The following NBEA variants were observed in gnomAD, a reference collection of about 807,000 sequenced individuals.
NBEA encodes the protein lysosomal-trafficking regulator 2.
In NBEA, 44 loss-of-function variants were observed where a neutral mutation model predicts 343.4. That is an observed-to-expected ratio of 0.13 (90% CI 0.10 to 0.16). The LOEUF is 0.16. NBEA is among the 10% of genes least tolerant of loss of function. The pLI, the probability that NBEA is intolerant of heterozygous loss-of-function variation, is 1.00. For missense variants in NBEA, 2,555 were observed against 3,631.3 expected (o/e 0.70, Z 7.62); for synonymous variants, 1,175 against 1,238.7 (o/e 0.95, Z 1.08).
chr13:35,434,502 A>G (rs2045311072), intron 39 of NBEA, among the ~76,000 whole-genome samples: 1 of 152,200 alleles, frequency 6.6e-6, no homozygotes, highest in African/African-American at 2.4e-5. Context: ...CTACACAGTA[A>G]AATATTCAGG....
chr13:34,954,945 G>C (rs1188744418), intron 1 of NBEA, among the ~76,000 whole-genome samples: 1 of 152,080 alleles, frequency 6.6e-6, no homozygotes, highest in Non-Finnish European at 1.5e-5. Context: ...GTAAATACAT[G>C]GTTTATATTT....
At chr13:35,395,225 A>G (rs1250289484) in intron 38 of NBEA, among the ~76,000 whole-genome samples, 1 of 151,916 alleles carries the variant, frequency 6.6e-6, no homozygotes, top group Non-Finnish European at 1.5e-5. Flanking sequence ...CCCAAATCTA[A>G]TGTTGAATTA....
At chr13:35,182,127 A>G (rs2152730680) in intron 28 of NBEA, among the ~76,000 whole-genome samples, 1 of 151,680 alleles carries the variant, frequency 6.6e-6, no homozygotes, top group East Asian at 1.9e-4. Flanking sequence ...ATAAAATTTT[A>G]ATATTCTAGT....
chr13:35,666,410 TAAA>T (rs75335884), intron 56 of NBEA, among the ~76,000 whole-genome samples: 39 of 125,534 alleles, frequency 3.1e-4, no homozygotes, highest in Non-Finnish European at 3.7e-4. Context: ...CCTGTGAAGT[TAAA>T]AAAAAAAAAA....
intron 30 of NBEA, among the ~76,000 whole-genome samples, chr13:35,195,102 ATAT>A (rs555610491): frequency 3.3e-5 from 5 of 152,210 alleles, no homozygotes; most frequent in Admixed American, 2.0e-4. Context: ...AATATTTCAG[ATAT>A]TATTAGTTAT....
chr13:35,317,958 GAGA>G (rs548647866), intron 36 of NBEA, among the ~76,000 whole-genome samples: 11 of 152,306 alleles, frequency 7.2e-5, no homozygotes, highest in African/African-American at 2.4e-4. Flanking sequence ...TTTGTATCCT[GAGA>G]CTTTGCTGAA....
At chr13:35,544,089 A>G (rs1229939048) in intron 41 of NBEA, among the ~76,000 whole-genome samples, 1 of 152,230 alleles carries the variant, frequency 6.6e-6, no homozygotes, top group Non-Finnish European at 1.5e-5. Flanking sequence ...CCAAATTTAT[A>G]TGAAATTATA....
chr13:35,365,202 G>C (rs1322488987), intron 38 of NBEA, among the ~76,000 whole-genome samples: 1 of 151,598 alleles, frequency 6.6e-6, no homozygotes, highest in African/African-American at 2.4e-5. Context: ...ACGATACTTT[G>C]TAAAATGCCT....
intron 55 of NBEA, among the ~76,000 whole-genome samples, chr13:35,657,290 A>G (rs2084857729): frequency 6.6e-6 from 1 of 152,228 alleles, no homozygotes; most frequent in Admixed American, 6.5e-5. Flanking sequence ...TAGCTACTGA[A>G]CAAGAGAGTG....
At chr13:35,484,426 T>C (rs1392079700) in intron 41 of NBEA, among the ~76,000 whole-genome samples, 2 of 152,092 alleles carry the variant, frequency 1.3e-5, no homozygotes, top group East Asian at 3.9e-4. Flanking sequence ...GGATGTTTTG[T>C]TTTTTGTTTT....
At chr13:35,231,346 A>G (rs1193233228) in intron 33 of NBEA, among the ~76,000 whole-genome samples, 1 of 152,170 alleles carries the variant, frequency 6.6e-6, no homozygotes, top group East Asian at 1.9e-4. Context: ...TTTAAACCTT[A>G]GTAATATATT....
At chr13:35,623,078 T>C (rs1203365381) in intron 48 of NBEA, among the ~76,000 whole-genome samples, 1 of 152,198 alleles carries the variant, frequency 6.6e-6, no homozygotes, top group Non-Finnish European at 1.5e-5. Context: ...AATTGGTTTA[T>C]CTAGGCTTAA....
intron 16 of NBEA, among the ~76,000 whole-genome samples, 162 bp downstream of exon 16, chr13:35,118,636 C>T (rs759183167): frequency 6.6e-6 from 1 of 152,008 alleles, no homozygotes; most frequent in Non-Finnish European, 1.5e-5. Context: ...ACTCAGGAAA[C>T]TGATGAAGTG....
At chr13:35,354,851 C>T (rs1483926221) in intron 38 of NBEA, among the ~76,000 whole-genome samples, 1 of 152,110 alleles carries the variant, frequency 6.6e-6, no homozygotes, top group Non-Finnish European at 1.5e-5. Flanking sequence ...AGATCTCTCC[C>T]GTCGCCAGGT....
intron 34 of NBEA, among the ~76,000 whole-genome samples, chr13:35,256,068 T>A (rs906102139): frequency 1.3e-5 from 2 of 151,992 alleles, no homozygotes; most frequent in Non-Finnish European, 2.9e-5. Flanking sequence ...AATGCAGCCC[T>A]CAGCAGAGAG....
At chr13:35,621,115 G>A (rs888220692) in intron 48 of NBEA, among the ~76,000 whole-genome samples, 24 of 152,154 alleles carry the variant, frequency 1.6e-4, no homozygotes, top group Admixed American at 1.2e-3. Flanking sequence ...TCATCTATGT[G>A]TCCTCTAAGG....
chr13:35,453,041 A>G (rs1380886099), intron 40 of NBEA, among the ~76,000 whole-genome samples: 2 of 152,178 alleles, frequency 1.3e-5, no homozygotes, highest in African/African-American at 2.4e-5. Context: ...AGCCCACACA[A>G]GGTTGAGGTG....
intron 45 of NBEA, among the ~76,000 whole-genome samples, chr13:35,569,158 A>G (rs989456062): frequency 6.6e-6 from 1 of 152,212 alleles, no homozygotes; most frequent in African/African-American, 2.4e-5. Context: ...ATGATGATGA[A>G]TATATGCTAC....
At chr13:35,184,390 G>C (rs1480463749) in intron 30 of NBEA, among the ~76,000 whole-genome samples, 1 of 151,938 alleles carries the variant, frequency 6.6e-6, no homozygotes, top group African/African-American at 2.4e-5. Context: ...TAATATAAAG[G>C]CTACTCTAGA....
Sources: allele counts gnomAD v4.1 joint callset (sites outside exome capture counted in the v4.1 genomes callset), GRCh38; gene constraint gnomAD v4.1.1; transcripts MANE v1.5; gene names NCBI Gene and HGNC (gene_info 2026-07-23, HGNC 2026-07-21).